Variants in ATP13A4 observed in about 807,000 individuals in gnomAD.
The protein encoded by ATP13A4 is ATPase 13A4.
Under a neutral mutation model 142.5 loss-of-function variants are expected in ATP13A4, and 114 were observed. The ratio of observed to expected loss-of-function variants is 0.80; its 90% confidence interval spans 0.69 to 0.93. ATP13A4 has a LOEUF of 0.93. Among genes scored for constraint, ATP13A4 ranks in the 40% least tolerant of loss-of-function variants. ATP13A4 has a pLI of 0.00. For missense variants in ATP13A4, 1,392 were observed against 1,454.0 expected, an observed-to-expected ratio of 0.96 and a Z score of 0.69; for synonymous variants, 488 against 514.8, an observed-to-expected ratio of 0.95 and a Z score of 0.70.
chr3:193,504,163 TA>T (rs922589681), intron 2 of ATP13A4, among the ~76,000 whole-genome samples: 3 of 151,314 alleles, frequency 2.0e-5, no homozygotes, highest in South Asian at 2.1e-4. Flanking sequence ...ACTGTGGATT[TA>T]AAAAAAAAGG....
chr3:193,406,447 A>G (rs1167256133), intron 29 of ATP13A4, among the ~76,000 whole-genome samples: 1 of 152,216 alleles, frequency 6.6e-6, no homozygotes, highest in Non-Finnish European at 1.5e-5. Flanking sequence ...GGAATTCTGC[A>G]TCTCACCTCT....
Position 193,407,412 on chromosome 3 carries a change from G to A in ATP13A4, c.3298-19C>T. ...AGAGCAGCTGGCGGGAGATGATGAA[G>A]CACAGTTAGTCTGAAGACACGCAGA... On this transcript the variant is annotated intron_variant, in intron 28 of 29. Coordinates refer to ENST00000342695, the MANE Select transcript of ATP13A4 (RefSeq NM_032279.4). 1.3e-6 allele frequency: 2 copies of A among 1,588,372 alleles called. No homozygotes were observed. The highest frequency in any genetic ancestry group is 2.2e-5 in the South Asian group (2 of 90,540).
At chr3:193,452,939 A>G (rs1717369760) in intron 17 of ATP13A4, among the ~76,000 whole-genome samples, 1 of 151,962 alleles carries the variant, frequency 6.6e-6, no homozygotes, top group Non-Finnish European at 1.5e-5. Flanking sequence ...ATAAATTGGG[A>G]GGAGATTGTA....
At chr3:193,447,506 G>A (rs1443370494) in intron 18 of ATP13A4, among the ~76,000 whole-genome samples, 1 of 152,144 alleles carries the variant, frequency 6.6e-6, no homozygotes, top group African/African-American at 2.4e-5. Flanking sequence ...CTGACTACAA[G>A]AGCAGGGAAA....
intron 16 of ATP13A4, among the ~76,000 whole-genome samples, chr3:193,455,159 A>T (rs1717520639): frequency 6.6e-6 from 1 of 152,082 alleles, no homozygotes; most frequent in Non-Finnish European, 1.5e-5. Context: ...TAACACGGTG[A>T]AACCCCGTCT....
chr3:193,573,322 T>TTCTTATATATATATATATATATAC, intron 2 of ATP13A4, among the ~76,000 whole-genome samples: 1 of 141,818 alleles, frequency 7.1e-6, no homozygotes, highest in Admixed American at 7.1e-5. Context: ...TATATATATA[T>TTCTTATATATATATATATATATAC]ATATAATTTG....
At chr3:193,507,555 A>G (rs1159062643) in intron 2 of ATP13A4, among the ~76,000 whole-genome samples, 1 of 152,150 alleles carries the variant, frequency 6.6e-6, no homozygotes, top group African/African-American at 2.4e-5. Flanking sequence ...GGACAACACA[A>G]TGAGGTTATT....
chr3:193,518,925 T>G (rs1028007742), intron 1 of ATP13A4, among the ~76,000 whole-genome samples: 1 of 152,112 alleles, frequency 6.6e-6, no homozygotes, highest in African/African-American at 2.4e-5. Context: ...AAGGGAGAGT[T>G]TGTCTCCCAG....
intron 1 of ATP13A4, among the ~76,000 whole-genome samples, chr3:193,589,341 T>C (rs988386752): frequency 9.9e-5 from 15 of 152,200 alleles, no homozygotes; most frequent in Admixed American, 3.9e-4. Flanking sequence ...TGCAAACATG[T>C]ATGACTTCAG....
chr3:193,558,660 A>G (rs771897044), upstream of ATP13A4, among the ~76,000 whole-genome samples: 22 of 152,166 alleles, frequency 1.4e-4, no homozygotes, highest in Non-Finnish European at 2.1e-4. Flanking sequence ...TGTCTAGATA[A>G]ATACAGGTGG....
chr3:193,540,542 A>C (rs1168807409), intron 1 of ATP13A4, among the ~76,000 whole-genome samples: 6 of 151,376 alleles, frequency 4.0e-5, no homozygotes, highest in Admixed American at 2.6e-4. Context: ...AAAAAAAAAA[A>C]AAAAAAAAAA....
chr3:193,513,649 G>A (rs538736388), intron 2 of ATP13A4, among the ~76,000 whole-genome samples: 187 of 152,340 alleles, frequency 1.2e-3, no homozygotes, highest in South Asian at 3.5e-3. Context: ...AGTGCCATGA[G>A]TGCTGCAAGG....
rs1201886536 is a variant in ATP13A4 at position 193,510,422 on chromosome 3, T to A, written c.234+4276A>T. Among the ~76,000 whole-genome samples, 3 of 152,220 alleles carry A rather than the reference T, an allele frequency of 2.0e-5. No individual in the cohort carries two copies. The East Asian group carries it at 5.8e-4, about 29-fold the overall frequency. On this transcript the variant is annotated intron_variant, in intron 2 of 29. Transcript: ENST00000342695. ...GTCTTTGACAACATGTAACCTACGA[T>A]GACAATGAGGGGGAAAATGTGTTTG...
chr3:193,524,324 G>A (rs2108693866), intron 1 of ATP13A4, among the ~76,000 whole-genome samples: 1 of 152,294 alleles, frequency 6.6e-6, no homozygotes, highest in Non-Finnish European at 1.5e-5. Context: ...TTGTAGGACT[G>A]AGCCCTTAAA....
At chr3:193,512,323 G>A (rs181964337) in intron 2 of ATP13A4, among the ~76,000 whole-genome samples, 1 of 152,264 alleles carries the variant, frequency 6.6e-6, no homozygotes, top group East Asian at 1.9e-4. Flanking sequence ...CCTGCTCTGA[G>A]CCCCAGAAAG....
At chr3:193,489,998 A>G in intron 6 of ATP13A4, 134 bp from the exon 7 acceptor site, 2 of 1,018,440 alleles carry the variant, frequency 2.0e-6, no homozygotes, top group South Asian at 3.0e-5. Context: ...TTATTCGGCA[A>G]TTGACACGTG....
At chr3:193,442,685 A>G (rs9849997) in intron 18 of ATP13A4, 129 bp from the exon 19 acceptor site, 1 of 924,322 alleles carries the variant, frequency 1.1e-6, no homozygotes, top group Admixed American at 2.0e-5. Context: ...TCTGATATCT[A>G]TTTCAGCCCT....
At chr3:193,561,832 A>G (rs988928490) in intron 2 of ATP13A4, among the ~76,000 whole-genome samples, 15 of 152,302 alleles carry the variant, frequency 9.8e-5, no homozygotes, top group Admixed American at 2.0e-4. Context: ...CTCTGTCCCA[A>G]TGGAGGTCTT....
intron 8 of ATP13A4, among the ~76,000 whole-genome samples, chr3:193,476,153 C>T (rs1389946426): frequency 6.6e-6 from 1 of 151,956 alleles, no homozygotes; most frequent in African/African-American, 2.4e-5. Context: ...AAGTTATTTC[C>T]TAAGTATGTT....
Sources: allele counts gnomAD v4.1 joint callset (sites outside exome capture counted in the v4.1 genomes callset), GRCh38; gene constraint gnomAD v4.1.1; transcripts MANE v1.5; gene names NCBI Gene and HGNC (gene_info 2026-07-23, HGNC 2026-07-21).